NLRP13: variants seen among roughly 807,000 people sequenced by gnomAD.
The protein encoded by NLRP13 is NACHT, LRR and PYD domains-containing protein 13.
In NLRP13, 82 loss-of-function variants were observed where a neutral mutation model predicts 94.4. That is an observed-to-expected ratio of 0.87 (90% confidence interval 0.73 to 1.04). The LOEUF (loss-of-function observed/expected upper bound fraction) is 1.04. Among genes scored for constraint, NLRP13 ranks in the 50% least tolerant of loss-of-function variants. The pLI, the probability that NLRP13 is intolerant of heterozygous loss-of-function variation, is 0.00. For missense variants in NLRP13, 1,426 were observed against 1,230.8 expected (o/e 1.16, Z -2.37); for synonymous variants, 553 against 464.7 (o/e 1.19, Z -2.45).
chr19:55,894,312 A>C (rs1985940154), downstream of NLRP13, among the ~76,000 whole-genome samples: 1 of 151,996 alleles, frequency 6.6e-6, no homozygotes, highest in Admixed American at 6.6e-5. Context: ...AAAGTGCTGG[A>C]ATTATAGGCA....
At chr19:55,918,453 A>G in intron 4 of NLRP13, among the ~76,000 whole-genome samples, 1 of 152,070 alleles carries the variant, frequency 6.6e-6, no homozygotes, top group East Asian at 1.9e-4. Context: ...TGGTTACTTT[A>G]AAAAATAAAC....
downstream of NLRP13, among the ~76,000 whole-genome samples, chr19:55,892,611 G>C (rs1985887923): frequency 6.6e-6 from 1 of 152,010 alleles, no homozygotes; most frequent in African/African-American, 2.4e-5. Flanking sequence ...AGTAGAGATG[G>C]GGTTTCACCA....
chr19:55,920,731 A>C (rs1400672893), intron 4 of NLRP13, among the ~76,000 whole-genome samples: 4 of 152,140 alleles, frequency 2.6e-5, no homozygotes, highest in African/African-American at 4.8e-5. Flanking sequence ...CTACCATTTG[A>C]TCAAACAGTA....
chr19:55,902,430 C>G (rs1441654923), intron 8 of NLRP13, among the ~76,000 whole-genome samples: 1 of 152,104 alleles, frequency 6.6e-6, no homozygotes, highest in African/African-American at 2.4e-5. Context: ...GTCTGTGGTT[C>G]TCATTAGTGA....
At chr19:55,915,364 G>A (rs1299700332) in intron 4 of NLRP13, among the ~76,000 whole-genome samples, 1 of 152,128 alleles carries the variant, frequency 6.6e-6, no homozygotes, top group East Asian at 1.9e-4. Flanking sequence ...TTGGGAGGCC[G>A]AAGCAGGTGG....
Position 55,907,833 on chromosome 19 carries a change from A to T in NLRP13, c.2406T>A (p.Leu802=), listed in dbSNP as rs760538006. Residue 802 remains leucine (L), a synonymous_variant, in exon 7 of 11, where the codon CTT becomes CTA. Transcript: ENST00000342929. ...TGCAAGCTGAGTGTCTCAAAGCTTT[A>T]AGAATCAGGGGGACAGTCATTCCCA... ...NKLGMTVPLI[L]KALRHSACNL... is the part of the protein sequence containing the mutation. 8 of 1,613,860 alleles carry T rather than the reference A, an allele frequency of 5.0e-6. No homozygotes were observed. The Admixed American group carries it at 6.7e-5, about 13-fold the overall frequency.
chr19:55,894,032 C>T (rs1430458598), downstream of NLRP13, among the ~76,000 whole-genome samples: 4 of 146,432 alleles, frequency 2.7e-5, no homozygotes, highest in South Asian at 2.2e-4. Flanking sequence ...TTACCTTTCT[C>T]CATGCCCCAA....
intron 9 of NLRP13, among the ~76,000 whole-genome samples, chr19:55,900,137 C>A (rs1446034400): frequency 2.0e-5 from 3 of 151,658 alleles, no homozygotes; most frequent in African/African-American, 4.8e-5. Flanking sequence ...AAAGTTTGTA[C>A]CCCCAAAACA....
intron 8 of NLRP13, among the ~76,000 whole-genome samples, chr19:55,902,812 TATATTAA>T (rs1167091284): frequency 2.0e-5 from 3 of 150,276 alleles, no homozygotes; most frequent in South Asian, 2.1e-4. Context: ...ATATCGTTAA[TATATTAA>T]ATATTAACTA....
intron 4 of NLRP13, among the ~76,000 whole-genome samples, chr19:55,916,506 A>T (rs1579606): frequency 0.16 from 24,060 of 152,214 alleles, 1,977 homozygotes; most frequent in East Asian, 0.22. Flanking sequence ...TGAGAAATTT[A>T]TCAAAGAGAT....
chr19:55,904,820 T>G, intron 8 of NLRP13, 122 bp downstream of exon 8: 1 of 790,628 alleles, frequency 1.3e-6, no homozygotes, highest in Non-Finnish European at 1.9e-6. Flanking sequence ...TCCTGGCACA[T>G]AGTAATTACT....
At position 55,911,870 on chromosome 19, in the gene NLRP13, G is replaced by C. The variant is rs762636753; in HGVS notation, c.1947C>G (p.Asp649Glu). The C allele has an allele frequency of 6.2e-7, 1 of 1,614,068 alleles. No homozygotes were observed. ...FHCLHESQEE[D>E]FTKKMLGRIF... ...TACGACCCAACATCTTCTTTGTGAA[G>C]TCTTCCTCCTGGGACTCGTGTAGGC... The change falls in exon 5 of 11, where the codon GAC becomes GAG. Residue 649 changes from aspartate to glutamate, a missense_variant. Coordinates refer to ENST00000342929, the MANE Select transcript of NLRP13 (RefSeq NM_176810.2).
In NLRP13 at chr19:55,912,130, G is replaced by T. The variant is rs376466099; in HGVS notation, c.1687C>A (p.Pro563Thr). 2.5e-6 allele frequency: 4 copies of T among 1,614,070 alleles called. No homozygotes were observed. In the African/African-American group the frequency reaches 4.0e-5, roughly 16 times the overall value. Residue 563 changes from proline (P) to threonine (T), a missense_variant, in exon 5 of 11, where the codon CCA becomes ACA. By Grantham distance (38) the Pro-to-Thr change is conservative. Transcript: ENST00000342929. ...TGCAGTAACATCTTCATCTCTTGTG[G>T]CTTTGTGGAATGGGGAGGGAATTCT... ...PREFPPHSTK[P>T]QEMKMLLQHV...
chr19:55,920,838 C>T (rs866453808), intron 4 of NLRP13, among the ~76,000 whole-genome samples: 12 of 151,962 alleles, frequency 7.9e-5, no homozygotes, highest in Admixed American at 1.3e-4. Flanking sequence ...AGCAAAGATA[C>T]GCAATCAACC....
At chr19:55,927,184 C>T (rs536465347) in intron 1 of NLRP13, among the ~76,000 whole-genome samples, 179 of 151,992 alleles carry the variant, frequency 1.2e-3, no homozygotes, top group African/African-American at 4.2e-3. Context: ...GCCTGGCCAG[C>T]GTGGGGAAAC....
chr19:55,895,124 G>C (rs1985966451), downstream of NLRP13, among the ~76,000 whole-genome samples: 1 of 148,204 alleles, frequency 6.7e-6, no homozygotes, highest in Admixed American at 7.1e-5. Flanking sequence ...AGGAGCAGTG[G>C]CTCACGCCTG....
intron 4 of NLRP13, among the ~76,000 whole-genome samples, chr19:55,917,436 A>G (rs560260969): frequency 6.6e-6 from 1 of 152,234 alleles, no homozygotes; most frequent in South Asian, 2.1e-4. Flanking sequence ...ATCAATATTA[A>G]CCTTCAATAT....
At chr19:55,925,589 C>T (rs1285214631) in intron 1 of NLRP13, among the ~76,000 whole-genome samples, 1 of 152,150 alleles carries the variant, frequency 6.6e-6, no homozygotes, top group Non-Finnish European at 1.5e-5. Context: ...GGAATAAAAG[C>T]ACCAAGAATT....
chr19:55,898,212 G>GTTTTTTT (rs996847207), intron 10 of NLRP13, among the ~76,000 whole-genome samples: 1 of 28,076 alleles, frequency 3.6e-5, no homozygotes, highest in Non-Finnish European at 6.4e-5. Context: ...TTTTGTTTTT[G>GTTTTTTT]TTTTTTTTTT....
Sources: gnomAD v4.1 joint callset for allele counts (sites outside exome capture counted in the v4.1 genomes callset) on GRCh38, gnomAD v4.1.1 for gene constraint, MANE v1.5 for transcripts, NCBI Gene and HGNC (gene_info 2026-07-23, HGNC 2026-07-21) for gene names.